CNTN3: variants seen among roughly 807,000 people sequenced by gnomAD.
The protein encoded by CNTN3 is contactin 3.
In CNTN3, 60 loss-of-function variants were observed where a neutral mutation model predicts 119.1. That is an observed-to-expected ratio of 0.50 (90% CI 0.41 to 0.62). The LOEUF is 0.62. Ranked by LOEUF, CNTN3 falls within the 20% of genes least tolerant of loss-of-function variation. The probability of loss-of-function intolerance (pLI) is 0.00; values close to 1 mark genes in which losing one functional copy is unlikely to be tolerated. For synonymous variants in CNTN3, 450 were observed against 438.7 expected, an observed-to-expected ratio of 1.03 and a Z score of -0.32; for missense variants, 1,101 against 1,242.4, an observed-to-expected ratio of 0.89 and a Z score of 1.71.
rs931629963 is a variant in CNTN3 at position 74,499,888 on chromosome 3, T to C, written c.56-103A>G. On this transcript the variant is annotated intron_variant, in intron 2 of 22. Coordinates refer to ENST00000263665, the MANE Select transcript of CNTN3 (RefSeq NM_020872.3). ...AACAAGGAACTAAAAATTCTAGTAC[T>C]GCTCCATTTGCATACAAAGCAAAAT... 3.7e-5 allele frequency: 42 copies of C among 1,130,046 alleles called. No homozygotes were observed. In the East Asian group the frequency reaches 9.7e-4, roughly 26 times the overall value. 70.0% of individuals were successfully genotyped at this position (1,130,046 alleles called of 1,614,324 possible). A position where few individuals can be genotyped will look rare whatever the true frequency, so the allele number is the denominator to read the frequency against.
At chr3:74,549,815 G>A (rs1156689176) in intron 1 of CNTN3, among the ~76,000 whole-genome samples, 1 of 152,128 alleles carries the variant, frequency 6.6e-6, no homozygotes, top group Admixed American at 6.6e-5. Flanking sequence ...TTAGAACTAC[G>A]AGCAAGAGGT....
intron 4 of CNTN3, among the ~76,000 whole-genome samples, chr3:74,473,695 A>C (rs1358743687): frequency 6.6e-6 from 1 of 152,216 alleles, no homozygotes; most frequent in East Asian, 1.9e-4. Flanking sequence ...GTAAAATGTC[A>C]GGTAATCAAA....
chr3:74,444,284 G>C (rs1004864412), intron 4 of CNTN3, among the ~76,000 whole-genome samples: 5 of 151,836 alleles, frequency 3.3e-5, no homozygotes, highest in African/African-American at 7.3e-5. Flanking sequence ...TCTCTTATTG[G>C]GGGGGTTGGG....
At chr3:74,474,134 A>G (rs1559621449) in intron 4 of CNTN3, among the ~76,000 whole-genome samples, 1 of 152,180 alleles carries the variant, frequency 6.6e-6, no homozygotes, top group Non-Finnish European at 1.5e-5. Flanking sequence ...GCTGACTCTC[A>G]TTCACAGGTG....
chr3:74,344,751 C>T (rs1427560656), intron 11 of CNTN3, among the ~76,000 whole-genome samples: 2 of 152,210 alleles, frequency 1.3e-5, no homozygotes, highest in Non-Finnish European at 1.5e-5. Flanking sequence ...TGAGACACCG[C>T]GCCCGGCCAT....
chr3:74,472,725 T>C (rs1383115783), intron 4 of CNTN3, among the ~76,000 whole-genome samples: 2 of 152,212 alleles, frequency 1.3e-5, no homozygotes, highest in African/African-American at 2.4e-5. Context: ...GTGAATGGCA[T>C]ACTGAGTTGT....
At chr3:74,343,746 C>G (rs1415002954) in intron 11 of CNTN3, among the ~76,000 whole-genome samples, 5 of 152,302 alleles carry the variant, frequency 3.3e-5, no homozygotes, top group African/African-American at 1.2e-4. Context: ...GACTGTGTAC[C>G]AGTTACCTAG....
chr3:74,365,746 C>T, intron 8 of CNTN3, 44 bp from the exon 9 acceptor site: 2 of 1,581,278 alleles, frequency 1.3e-6, no homozygotes, highest in African/African-American at 1.4e-5. Context: ...TTAAACCACC[C>T]AGCAAATAAA....
intron 4 of CNTN3, among the ~76,000 whole-genome samples, chr3:74,463,419 A>C (rs979879338): frequency 3.3e-5 from 5 of 152,154 alleles, no homozygotes; most frequent in African/African-American, 1.2e-4. Context: ...CCTAGCAGCT[A>C]GGAGAGAGAG....
intron 1 of CNTN3, among the ~76,000 whole-genome samples, chr3:74,586,065 G>A (rs1704587770): frequency 6.6e-6 from 1 of 152,106 alleles, no homozygotes; most frequent in Non-Finnish European, 1.5e-5. Flanking sequence ...GATTTTGGAA[G>A]TTGTGACAAG....
chr3:74,354,142 G>T lies in CNTN3; in HGVS notation c.1364+7748C>A, dbSNP rs552482021. 5.3e-5 allele frequency among the ~76,000 whole-genome samples: 8 copies of T among 152,134 alleles called. No homozygotes were observed. The East Asian group carries it at 1.5e-3, about 29-fold the overall frequency. On this transcript the variant is annotated intron_variant, in intron 11 of 22. Coordinates refer to ENST00000263665, the MANE Select transcript of CNTN3 (RefSeq NM_020872.3). ...TTTTAAAAACATTGCCTGGATTATA[G>T]TTATTCATATTTGGAAAAAAATTCA...
intron 20 of CNTN3, among the ~76,000 whole-genome samples, chr3:74,282,756 T>C (rs1393887542): frequency 1.3e-5 from 2 of 152,166 alleles, no homozygotes; most frequent in Non-Finnish European, 2.9e-5. Context: ...CCAGTAACAA[T>C]ATTATTAATG....
intron 3 of CNTN3, among the ~76,000 whole-genome samples, chr3:74,488,269 C>G (rs958683820): frequency 7.9e-5 from 12 of 152,020 alleles, no homozygotes; most frequent in African/African-American, 2.9e-4. Flanking sequence ...CCCGACACCA[C>G]GCCTGGCTAA....
At chr3:74,576,961 C>G (rs1439719351) in intron 1 of CNTN3, among the ~76,000 whole-genome samples, 1 of 152,078 alleles carries the variant, frequency 6.6e-6, no homozygotes, top group Non-Finnish European at 1.5e-5. Flanking sequence ...GCAACCTTGG[C>G]CTTCTAAGGA....
chr3:74,492,996 C>G (rs547906292), intron 3 of CNTN3, among the ~76,000 whole-genome samples: 1 of 152,108 alleles, frequency 6.6e-6, no homozygotes, highest in Non-Finnish European at 1.5e-5. Flanking sequence ...TATTTTCTAC[C>G]CTAGCCATTA....
intron 13 of CNTN3, among the ~76,000 whole-genome samples, chr3:74,309,471 GA>G (rs1000227316): frequency 3.4e-4 from 52 of 152,156 alleles, no homozygotes; most frequent in Middle Eastern, 3.4e-3. Context: ...TCTGTGTTTT[GA>G]AAAACACTGT....
chr3:74,543,936 ACTG>A (rs1056898551), intron 1 of CNTN3, among the ~76,000 whole-genome samples: 5 of 152,224 alleles, frequency 3.3e-5, no homozygotes, highest in Non-Finnish European at 7.3e-5. Context: ...AAGTTCAAAG[ACTG>A]CTAAAAGAAC....
chr3:74,532,751 T>C (rs974207213), intron 1 of CNTN3, among the ~76,000 whole-genome samples: 9 of 151,998 alleles, frequency 5.9e-5, no homozygotes, highest in African/African-American at 1.9e-4. Context: ...GAATTTTCCA[T>C]TTAATATTTT....
At chr3:74,570,719 C>G (rs948283299) in intron 1 of CNTN3, among the ~76,000 whole-genome samples, 5 of 152,102 alleles carry the variant, frequency 3.3e-5, no homozygotes, top group African/African-American at 1.2e-4. Flanking sequence ...GAGTCTTGGT[C>G]TCAATTTCTG....
Sources: allele counts gnomAD v4.1 joint callset (sites outside exome capture counted in the v4.1 genomes callset), GRCh38; gene constraint gnomAD v4.1.1; transcripts MANE v1.5; gene names NCBI Gene and HGNC (gene_info 2026-07-23, HGNC 2026-07-21).